CASZ1: variants seen among roughly 807,000 people sequenced by gnomAD.
The protein encoded by CASZ1 is castor zinc finger 1.
Under a neutral mutation model 135.2 loss-of-function variants are expected in CASZ1, and 28 were observed. The ratio of observed to expected loss-of-function variants is 0.21; its 90% CI spans 0.15 to 0.28. CASZ1 has a LOEUF of 0.28. CASZ1 is among the 10% of genes least tolerant of loss of function. The pLI, the probability that CASZ1 is intolerant of heterozygous loss-of-function variation, is 1.00. For synonymous variants in CASZ1, 1,068 were observed against 1,073.4 expected (o/e 0.99, Z 0.10); for missense variants, 2,161 against 2,453.3 (o/e 0.88, Z 2.52).
chr1:10,677,145 A>C (rs1032790987), intron 4 of CASZ1, among the ~76,000 whole-genome samples: 1 of 152,134 alleles, frequency 6.6e-6, no homozygotes, highest in Admixed American at 6.5e-5. Context: ...AGACAGAGAG[A>C]GCTCAGGAGG....
At chr1:10,758,357 A>G (rs1188301370) in intron 2 of CASZ1, among the ~76,000 whole-genome samples, 2 of 132,560 alleles carry the variant, frequency 1.5e-5, no homozygotes, top group Non-Finnish European at 1.5e-5. Context: ...TTTGAGACAG[A>G]GTCTTGCTCT....
Position 10,646,079 on chromosome 1 carries a change from A to AC in CASZ1, c.3696+48dup. On this transcript the variant is annotated intron_variant, in intron 17 of 20. Coordinates refer to ENST00000377022, the MANE Select transcript of CASZ1 (RefSeq NM_001079843.3). The surrounding 1 kb of genome is among the most constrained non-coding windows in gnomAD (Gnocchi z 6.4). Reference sequence around the variant, plus strand: ...GTCCTGTGCCCTGAGCTAGCCCTGCACCTCCCTGCCCCCTACTCTGCCCCT... The same window carrying AC: ...GTCCTGTGCCCTGAGCTAGCCCTGCACCCTCCCTGCCCCCTACTCTGCCCCT... 6.3e-7 allele frequency: 1 copy of AC among 1,581,866 alleles called. No individual in the cohort carries two copies. The highest frequency in any genetic ancestry group is 8.7e-7 in the Non-Finnish European group (1 of 1,153,056).
intron 1 of CASZ1, among the ~76,000 whole-genome samples, chr1:10,783,800 A>G (rs552576331): frequency 7.6e-6 from 1 of 131,376 alleles, no homozygotes; most frequent in East Asian, 2.5e-4. Flanking sequence ...TGAACCCGGG[A>G]GGCGGAGGTT....
In CASZ1 at chr1:10,755,392, C is replaced by T. The variant is rs1206095870; in HGVS notation, c.-77+5309G>A. ...GAGACCTGACGTCGCCTCTCCAATG[C>T]CAGCCTCTCTCACTGTGGGCACTCA... On this transcript the variant is annotated intron_variant, in intron 2 of 20. Coordinates refer to ENST00000377022, the MANE Select transcript of CASZ1 (RefSeq NM_001079843.3). The surrounding 1 kb of genome is among the most constrained non-coding windows in gnomAD (Gnocchi z 4.3). Among the ~76,000 whole-genome samples the T allele has an allele frequency of 6.6e-6, 1 of 152,214 alleles. No individual in the cohort carries two copies. The highest frequency in any genetic ancestry group is 1.5e-5 in the Non-Finnish European group (1 of 68,034).
At chr1:10,692,451 A>C (rs1638797592) in intron 4 of CASZ1, among the ~76,000 whole-genome samples, 1 of 149,284 alleles carries the variant, frequency 6.7e-6, no homozygotes, top group Non-Finnish European at 1.5e-5. Context: ...AGGTGATGAG[A>C]CACCGACTGG....
rs1010149812 is a variant in CASZ1 at position 10,725,714 on chromosome 1, G to A, written c.-76-20170C>T. 4.8e-4 allele frequency among the ~76,000 whole-genome samples: 72 copies of A among 150,556 alleles called. No individual in the cohort carries two copies. The highest frequency in any genetic ancestry group is 1.7e-3 in the African/African-American group (68 of 40,620). On this transcript the variant is annotated intron_variant, in intron 2 of 20. Coordinates refer to ENST00000377022, the MANE Select transcript of CASZ1 (RefSeq NM_001079843.3). The surrounding 1 kb of genome is among the most constrained non-coding windows in gnomAD (Gnocchi z 4.4). ...GGAGGTGGAAGCCAGGTTCTGGAAA[G>A]CCCTTTTTTTTTTTTTACTAGGAGA...
intron 2 of CASZ1, among the ~76,000 whole-genome samples, chr1:10,749,093 T>A (rs952749928): frequency 6.6e-6 from 1 of 152,214 alleles, no homozygotes; most frequent in African/African-American, 2.4e-5. Context: ...TCCGGGGCCC[T>A]GCACAGACAG....
intron 4 of CASZ1, among the ~76,000 whole-genome samples, chr1:10,674,006 C>T (rs565592934): frequency 6.6e-6 from 1 of 152,242 alleles, no homozygotes; most frequent in African/African-American, 2.4e-5. Flanking sequence ...AGAGCAGAAG[C>T]TCAGCTATGC....
In CASZ1 at chr1:10,653,716, G is replaced by A. The variant is rs748057249; in HGVS notation, c.2341C>T (p.Pro781Ser). 6.2e-7 allele frequency: 1 copy of A among 1,600,066 alleles called. No individual in the cohort carries two copies. The highest frequency in any genetic ancestry group is 1.1e-5 in the South Asian group (1 of 89,268). ...KISGLLPQGL[P>S]GSIPLALALS... ...GCCAGGGCCAGGGGGATTGAGCCAG[G>A]CAGGCCCTGGGGCAGCAGCCCCGAG... The change falls in exon 11 of 21, where the codon CCT becomes TCT. Residue 781 changes from proline to serine, a missense_variant. This residue lies in a region of CASZ1 where 406 missense variants were observed against 387.6 expected (regional missense o/e 1.05). Coordinates refer to ENST00000377022, the MANE Select transcript of CASZ1 (RefSeq NM_001079843.3).
At position 10,656,548 on chromosome 1, in the gene CASZ1, AC is replaced by A. The variant is rs540485893; in HGVS notation, c.1500+97del. 5.1e-4 allele frequency: 468 copies of A among 913,600 alleles called. 1 individual carries two copies. In the African/African-American group the frequency reaches 7.0e-3, roughly 14 times the overall value. 56.6% of individuals were successfully genotyped at this position (913,600 alleles called of 1,614,324 possible). A position where few individuals can be genotyped will look rare whatever the true frequency, so the allele number is the denominator to read the frequency against. ...GTCAAGTTTGGGTGGTGCAACTAGAACTAACCCCCCCCACTGCCGTCCCCGC... is the reference window on the plus strand; with the variant it reads ...GTCAAGTTTGGGTGGTGCAACTAGAATAACCCCCCCCACTGCCGTCCCCGC... On this transcript the variant is annotated intron_variant, in intron 8 of 20. Coordinates refer to ENST00000377022, the MANE Select transcript of CASZ1 (RefSeq NM_001079843.3).
chr1:10,778,979 T>C (rs950734570), intron 1 of CASZ1, among the ~76,000 whole-genome samples: 2 of 152,196 alleles, frequency 1.3e-5, no homozygotes, highest in Non-Finnish European at 2.9e-5. Context: ...TCTCCTGGCC[T>C]GCAAACAAAA....
chr1:10,690,320 G>A (rs1638723521), intron 4 of CASZ1, among the ~76,000 whole-genome samples: 1 of 152,312 alleles, frequency 6.6e-6, no homozygotes, highest in South Asian at 2.1e-4. Flanking sequence ...CAGGGCAGGG[G>A]CCTGAGCAGC....
At position 10,735,213 on chromosome 1, in the gene CASZ1, G is replaced by A. The variant is rs531776756; in HGVS notation, c.-77+25488C>T. Among the ~76,000 whole-genome samples, 10 of 152,210 alleles carry A rather than the reference G, an allele frequency of 6.6e-5. No individual in the cohort carries two copies. The highest frequency in any genetic ancestry group is 1.0e-4 in the Non-Finnish European group (7 of 68,006). ...TCACAAAATTAGTTGTCATGGCGAC[G>A]GGTTAATTACATCTCAAATTAACAA... On this transcript the variant is annotated intron_variant, in intron 2 of 20. Coordinates refer to ENST00000377022, the MANE Select transcript of CASZ1 (RefSeq NM_001079843.3). The surrounding 1 kb of genome is among the most constrained non-coding windows in gnomAD (Gnocchi z 5.1).
At chr1:10,668,241 A>G (rs1189190378) in intron 4 of CASZ1, among the ~76,000 whole-genome samples, 1 of 151,732 alleles carries the variant, frequency 6.6e-6, no homozygotes, top group African/African-American at 2.4e-5. Context: ...TCCATAGACG[A>G]TCCGCCCCCC....
intron 4 of CASZ1, among the ~76,000 whole-genome samples, chr1:10,671,841 G>T (rs1643410058): frequency 6.6e-6 from 1 of 152,252 alleles, no homozygotes; most frequent in Admixed American, 6.5e-5. Flanking sequence ...ATGCCATGCA[G>T]TGCACTGGAG....
rs867957574 is a variant in CASZ1, at chr1:10,665,654, C to T, written c.17-83G>A. The stretch of plus-strand genomic sequence containing the variant: ...CCCTCCCGAACAGCCCTGCATCCCC[C>T]AAGCTGCAGGCCTCCCCCATTGACC... On this transcript the variant is annotated intron_variant, in intron 4 of 20. Coordinates refer to ENST00000377022, the MANE Select transcript of CASZ1 (RefSeq NM_001079843.3). The T allele has an allele frequency of 4.1e-5, 57 of 1,404,162 alleles. No homozygotes were observed. In the Middle Eastern group the frequency reaches 1.0e-3, roughly 26 times the overall value. The allele number at this position is 1,404,162 out of a possible 1,614,324, so 87.0% of individuals were successfully genotyped here. A position where few individuals can be genotyped will look rare whatever the true frequency, so the allele number is the denominator to read the frequency against.
At chr1:10,649,238 C>T (rs367599724) in intron 14 of CASZ1, 45 bp downstream of exon 14, 88 of 1,608,466 alleles carry the variant, frequency 5.5e-5, no homozygotes, top group African/African-American at 5.3e-5. Flanking sequence ...GGCTCCAGGG[C>T]GGGTGCGGGG....
At chr1:10,796,072 G>A (rs1297916629) in intron 1 of CASZ1, among the ~76,000 whole-genome samples, 1 of 151,962 alleles carries the variant, frequency 6.6e-6, no homozygotes, top group African/African-American at 2.4e-5. Context: ...GGTGGGGTGG[G>A]GGTTTAAGGG....
At chr1:10,783,277 GTA>G (rs60231450) in intron 1 of CASZ1, among the ~76,000 whole-genome samples, 62 of 138,502 alleles carry the variant, frequency 4.5e-4, no homozygotes, top group Non-Finnish European at 6.9e-4. Context: ...GTGTGTGTGT[GTA>G]TGTGTGTGTA....
Sources: allele counts gnomAD v4.1 joint callset (sites outside exome capture counted in the v4.1 genomes callset), GRCh38; gene constraint gnomAD v4.1.1; regional missense constraint gnomAD v4.1.1; non-coding constraint Gnocchi (gnomAD v3.1); transcripts MANE v1.5; gene names NCBI Gene and HGNC (gene_info 2026-07-23, HGNC 2026-07-21).